NELL1: variants seen among roughly 807,000 people sequenced by gnomAD.
NELL1 encodes protein kinase C-binding protein NELL1.
Under a neutral mutation model 107.4 loss-of-function variants are expected in NELL1, and 76 were observed. The ratio of observed to expected loss-of-function variants is 0.71; its 90% CI spans 0.59 to 0.86. The LOEUF (loss-of-function observed/expected upper bound fraction) is 0.86, where lower values mean the gene tolerates loss of function less well. NELL1 is among the 40% of genes least tolerant of loss of function. The pLI, the probability that NELL1 is intolerant of heterozygous loss-of-function variation, is 0.00. For missense variants in NELL1, 1,024 were observed against 1,005.5 expected (o/e 1.02, Z -0.25); for synonymous variants, 353 against 341.2 (o/e 1.03, Z -0.38).
intron 12 of NELL1, among the ~76,000 whole-genome samples, chr11:21,068,884 G>T (rs537649660): frequency 6.6e-6 from 1 of 152,264 alleles, no homozygotes; most frequent in African/African-American, 2.4e-5. Context: ...AATAAATGAG[G>T]CTTTCGGGGC....
At chr11:21,464,970 T>C (rs1853990337) in intron 15 of NELL1, among the ~76,000 whole-genome samples, 1 of 152,158 alleles carries the variant, frequency 6.6e-6, no homozygotes, top group African/African-American at 2.4e-5. Context: ...AGCTATTTGG[T>C]AAATATTGCA....
chr11:21,232,811 C>A (rs919819626), intron 14 of NELL1, among the ~76,000 whole-genome samples: 5 of 152,016 alleles, frequency 3.3e-5, no homozygotes, highest in Non-Finnish European at 7.4e-5. Context: ...CCCCACCATG[C>A]CCAGCTAATT....
At chr11:20,965,881 A>G (rs1175583148) in intron 12 of NELL1, among the ~76,000 whole-genome samples, 1 of 152,216 alleles carries the variant, frequency 6.6e-6, no homozygotes, top group Non-Finnish European at 1.5e-5. Context: ...ATGCACTTCT[A>G]TAGAAACAAG....
chr11:20,741,418 C>CT (rs1259573724), intron 2 of NELL1, among the ~76,000 whole-genome samples: 2 of 152,124 alleles, frequency 1.3e-5, no homozygotes, highest in Middle Eastern at 3.2e-3. Context: ...TCTCTAACTG[C>CT]TCACAGATGA....
chr11:21,280,538 A>G (rs1481118890), intron 14 of NELL1, among the ~76,000 whole-genome samples: 2 of 152,130 alleles, frequency 1.3e-5, no homozygotes, highest in African/African-American at 2.4e-5. Context: ...GGGGGAGAGC[A>G]TAGTGATTCT....
At chr11:21,229,531 T>A in intron 14 of NELL1, 77 bp downstream of exon 14, 2 of 1,576,010 alleles carry the variant, frequency 1.3e-6, no homozygotes, top group Non-Finnish European at 1.7e-6. Context: ...TCGGACCTTC[T>A]TGGTAACTCT....
chr11:21,533,612 T>C (rs1465416346), intron 15 of NELL1, among the ~76,000 whole-genome samples: 1 of 152,144 alleles, frequency 6.6e-6, no homozygotes, highest in Non-Finnish European at 1.5e-5. Context: ...ACCGGGTATT[T>C]GGTGATTCTA....
intron 3 of NELL1, among the ~76,000 whole-genome samples, chr11:20,833,588 A>G (rs1271339680): frequency 6.6e-6 from 1 of 152,220 alleles, no homozygotes; most frequent in Non-Finnish European, 1.5e-5. Context: ...CCTAAAGCTT[A>G]TCCAGTGGGA....
intron 14 of NELL1, among the ~76,000 whole-genome samples, chr11:21,274,176 C>T (rs1233145074): frequency 2.0e-5 from 3 of 152,104 alleles, no homozygotes; most frequent in Non-Finnish European, 4.4e-5. Flanking sequence ...TGCAGAGACA[C>T]ACATAGGCTC....
At chr11:21,144,314 T>C (rs1334868681) in intron 13 of NELL1, among the ~76,000 whole-genome samples, 1 of 152,192 alleles carries the variant, frequency 6.6e-6, no homozygotes, top group Non-Finnish European at 1.5e-5. Flanking sequence ...CCACTGTTTT[T>C]CTTACACATT....
intron 15 of NELL1, among the ~76,000 whole-genome samples, chr11:21,508,222 G>GA (rs1327142609): frequency 6.6e-6 from 1 of 151,852 alleles, no homozygotes; most frequent in Non-Finnish European, 1.5e-5. Flanking sequence ...AAATGTTTCT[G>GA]AAAATAAAAT....
intron 12 of NELL1, among the ~76,000 whole-genome samples, chr11:21,091,400 C>G (rs1363820764): frequency 1.3e-5 from 2 of 152,088 alleles, no homozygotes; most frequent in Non-Finnish European, 2.9e-5. Context: ...AAGCCAACAG[C>G]GAATGCATGG....
intron 15 of NELL1, among the ~76,000 whole-genome samples, chr11:21,448,316 AT>A (rs1346876814): frequency 2.0e-5 from 3 of 151,940 alleles, no homozygotes; most frequent in African/African-American, 4.8e-5. Context: ...TGATATTAAA[AT>A]TTTTTTATGC....
At chr11:21,502,825 C>T (rs1468369815) in intron 15 of NELL1, among the ~76,000 whole-genome samples, 1 of 152,080 alleles carries the variant, frequency 6.6e-6, no homozygotes, top group Non-Finnish European at 1.5e-5. Context: ...AATTACTGTA[C>T]ATAAAGTTTA....
intron 2 of NELL1, among the ~76,000 whole-genome samples, chr11:20,695,196 T>C (rs1296445993): frequency 1.3e-5 from 2 of 152,130 alleles, no homozygotes; most frequent in East Asian, 3.8e-4. Context: ...CCTTTTGGCA[T>C]AGTCTTCAGG....
chr11:21,097,415 T>G (rs1261941916), intron 12 of NELL1, among the ~76,000 whole-genome samples: 1 of 151,428 alleles, frequency 6.6e-6, no homozygotes, highest in East Asian at 1.9e-4. Flanking sequence ...CACCAGGGGG[T>G]TTTTATATCC....
intron 15 of NELL1, among the ~76,000 whole-genome samples, chr11:21,371,314 C>T: frequency 6.6e-6 from 1 of 152,188 alleles, no homozygotes; most frequent in East Asian, 1.9e-4. Flanking sequence ...TCTGCTGTGT[C>T]AACGGAATCT....
intron 12 of NELL1, among the ~76,000 whole-genome samples, chr11:21,048,738 T>A (rs1196544565): frequency 6.6e-6 from 1 of 152,148 alleles, no homozygotes; most frequent in Non-Finnish European, 1.5e-5. Flanking sequence ...TTCCCTCCCT[T>A]CCCTTCCATG....
In NELL1 at chr11:21,293,877, C is replaced by T. The variant is rs1849322409; in HGVS notation, c.1549+64423C>T. 2.0e-5 allele frequency among the ~76,000 whole-genome samples: 3 copies of T among 152,074 alleles called. 1 individual carries two copies. In the South Asian group the frequency reaches 6.2e-4, roughly 32 times the overall value. On this transcript the variant is annotated intron_variant, in intron 14 of 19. Transcript: ENST00000357134. ...ATCTCACTCATAATTGGAAGTTGAA[C>T]AATGAAAACACATGGAAACAGGGAG...
Sources: allele counts gnomAD v4.1 joint callset (sites outside exome capture counted in the v4.1 genomes callset), GRCh38; gene constraint gnomAD v4.1.1; transcripts MANE v1.5; gene names NCBI Gene and HGNC (gene_info 2026-07-23, HGNC 2026-07-21).